The following USP25 variants were observed in gnomAD, a reference collection of about 807,000 sequenced individuals.
USP25 encodes ubiquitin carboxyl-terminal hydrolase 25.
USP25 carries 85 observed loss-of-function variants against 158.5 expected under a neutral mutation model. The observed-to-expected ratio is 0.54, with a 90% CI of 0.45 to 0.64. USP25 has a LOEUF of 0.64. USP25 is among the 30% of genes least tolerant of loss of function. The probability of loss-of-function intolerance (pLI) is 0.00; values close to 1 mark genes in which losing one functional copy is unlikely to be tolerated. For missense variants in USP25, 1,242 were observed against 1,327.3 expected, an observed-to-expected ratio of 0.94 and a Z score of 1.00; for synonymous variants, 464 against 460.4, an observed-to-expected ratio of 1.01 and a Z score of -0.10.
intron 4 of USP25, among the ~76,000 whole-genome samples, chr21:15,785,504 A>G (rs1197272393): frequency 1.3e-5 from 2 of 152,218 alleles, no homozygotes; most frequent in East Asian, 1.9e-4. Context: ...AAAGCTAGAA[A>G]TCAACAACAA....
At chr21:15,854,745 A>G (rs980945401) in intron 20 of USP25, among the ~76,000 whole-genome samples, 6 of 152,172 alleles carry the variant, frequency 3.9e-5, no homozygotes, top group African/African-American at 1.4e-4. Context: ...CAACCCAGTC[A>G]TAGGAACTCT....
intron 17 of USP25, among the ~76,000 whole-genome samples, chr21:15,839,424 G>A (rs1425614142): frequency 1.3e-5 from 2 of 152,186 alleles, no homozygotes; most frequent in Non-Finnish European, 2.9e-5. Context: ...AATTACTAAA[G>A]TGTATGGTAG....
chr21:15,815,883 G>A (rs1050642679), intron 9 of USP25, among the ~76,000 whole-genome samples: 2 of 152,170 alleles, frequency 1.3e-5, no homozygotes, highest in Non-Finnish European at 2.9e-5. Flanking sequence ...GTAGGCGGAA[G>A]GGACTTAACC....
intron 1 of USP25, among the ~76,000 whole-genome samples, chr21:15,736,043 T>G (rs578238775): frequency 8.6e-5 from 13 of 151,798 alleles, no homozygotes; most frequent in African/African-American, 3.1e-4. Context: ...GACATGCCAT[T>G]TTTTTTATCC....
At chr21:15,866,403 T>G in intron 22 of USP25, 59 bp downstream of exon 22, 3 of 1,309,364 alleles carry the variant, frequency 2.3e-6, no homozygotes, top group Non-Finnish European at 3.1e-6. Flanking sequence ...TTCACTGATA[T>G]TCCTTTCGTT....
chr21:15,738,879 C>T (rs1442500235), intron 1 of USP25, among the ~76,000 whole-genome samples: 1 of 152,292 alleles, frequency 6.6e-6, no homozygotes, highest in East Asian at 1.9e-4. Context: ...CTGTGAAAAT[C>T]CCGATACTGT....
intron 1 of USP25, among the ~76,000 whole-genome samples, chr21:15,740,490 A>G (rs1190430827): frequency 9.2e-5 from 14 of 152,068 alleles, no homozygotes; most frequent in Non-Finnish European, 2.1e-4. Context: ...TTTCTGGCCA[A>G]CATCTCTATG....
At chr21:15,748,365 T>C (rs776414991) in intron 1 of USP25, among the ~76,000 whole-genome samples, 1 of 151,372 alleles carries the variant, frequency 6.6e-6, no homozygotes, top group Non-Finnish European at 1.5e-5. Flanking sequence ...TGCTTCAGCC[T>C]CAAACTCCTG....
At chr21:15,850,436 C>T (rs1046656396) in intron 20 of USP25, among the ~76,000 whole-genome samples, 2 of 151,922 alleles carry the variant, frequency 1.3e-5, no homozygotes, top group Admixed American at 1.3e-4. Flanking sequence ...CATCTTTTTC[C>T]CTCTAATATC....
intron 18 of USP25, among the ~76,000 whole-genome samples, chr21:15,844,763 T>G (rs1031678197): frequency 1.3e-5 from 2 of 152,150 alleles, no homozygotes; most frequent in Admixed American, 1.3e-4. Context: ...GTAAATATGT[T>G]GGTATTTATT....
chr21:15,857,490 T>C (rs2039209917), intron 20 of USP25, among the ~76,000 whole-genome samples: 1 of 152,188 alleles, frequency 6.6e-6, no homozygotes, highest in African/African-American at 2.4e-5. Flanking sequence ...TATTTCAAAA[T>C]GTATTTCTTT....
chr21:15,778,123 T>C (rs2034764953), intron 4 of USP25, 96 bp downstream of exon 4: 3 of 1,165,734 alleles, frequency 2.6e-6, no homozygotes, highest in Non-Finnish European at 2.3e-6. Flanking sequence ...TAAGATATAC[T>C]TTGTTACTCT....
intron 1 of USP25, among the ~76,000 whole-genome samples, chr21:15,752,483 G>C (rs550308631): frequency 6.6e-6 from 1 of 152,292 alleles, no homozygotes; most frequent in Non-Finnish European, 1.5e-5. Context: ...CAAAGTGCTG[G>C]GATTACAGGC....
intron 6 of USP25, among the ~76,000 whole-genome samples, chr21:15,802,573 A>T (rs2036184495): frequency 6.6e-6 from 1 of 151,622 alleles, no homozygotes; most frequent in Non-Finnish European, 1.5e-5. Flanking sequence ...AAATCAAATG[A>T]GTAATGTCAG....
In USP25 at chr21:15,819,705, T is replaced by C. The variant is rs182545084; in HGVS notation, c.1080+859T>C. 3.3e-5 allele frequency among the ~76,000 whole-genome samples: 5 copies of C among 152,276 alleles called. No individual in the cohort carries two copies. In the East Asian group the frequency reaches 9.6e-4, roughly 29 times the overall value. On this transcript the variant is annotated intron_variant, in intron 10 of 25. Transcript: ENST00000400183. ...TTATACTGAATAGGTGCTTAATAAA[T>C]ATTAAGTGATACGATGTCTCTGTGT...
At chr21:15,802,558 AAAAC>A (rs975361687) in intron 6 of USP25, among the ~76,000 whole-genome samples, 1 of 151,618 alleles carries the variant, frequency 6.6e-6, no homozygotes, top group Non-Finnish European at 1.5e-5. Context: ...AAGGGACAAA[AAAAC>A]AAATCAAATG....
intron 4 of USP25, among the ~76,000 whole-genome samples, chr21:15,785,609 C>T (rs914576025): frequency 6.6e-6 from 1 of 152,010 alleles, no homozygotes; most frequent in African/African-American, 2.4e-5. Flanking sequence ...TTAGAAAGTT[C>T]CCTGGGACAA....
intron 4 of USP25, among the ~76,000 whole-genome samples, chr21:15,780,706 T>C (rs2034915537): frequency 6.6e-6 from 1 of 152,212 alleles, no homozygotes; most frequent in Non-Finnish European, 1.5e-5. Context: ...AAGGATCATG[T>C]CCAGGAATAG....
chr21:15,842,253 A>G lies in USP25; in HGVS notation c.2195-145A>G. 9.2e-6 allele frequency: 7 copies of G among 758,936 alleles called. No individual in the cohort carries two copies. In the Admixed American group the frequency reaches 9.4e-5, roughly 10 times the overall value. 47.0% of individuals were successfully genotyped at this position (758,936 alleles called of 1,614,324 possible). A position where few individuals can be genotyped will look rare whatever the true frequency, so the allele number is the denominator to read the frequency against. On this transcript the variant is annotated intron_variant, in intron 17 of 25. Coordinates refer to ENST00000400183, the MANE Select transcript of USP25 (RefSeq NM_001283041.3). ...TTAATAAATTCTGGGAAGAAGTGCT[A>G]TACGTGGAAAGATATATTTTACTTT...
Sources: gnomAD v4.1 joint callset for allele counts (sites outside exome capture counted in the v4.1 genomes callset) on GRCh38, gnomAD v4.1.1 for gene constraint, MANE v1.5 for transcripts, NCBI Gene and HGNC (gene_info 2026-07-23, HGNC 2026-07-21) for gene names.